Variants in CLNK observed in about 807,000 individuals in gnomAD.
The protein encoded by CLNK is cytokine-dependent hematopoietic cell linker.
A neutral mutation model predicts 68.6 loss-of-function variants in CLNK; 74 were observed. That is an observed-to-expected ratio of 1.08 (90% CI 0.89 to 1.31). The LOEUF (loss-of-function observed/expected upper bound fraction) is 1.31. CLNK is among the 50% of genes most tolerant of loss of function. CLNK has a pLI of 0.00. For missense variants in CLNK, 553 were observed against 515.3 expected, an observed-to-expected ratio of 1.07 and a Z score of -0.71; for synonymous variants, 198 against 172.2, an observed-to-expected ratio of 1.15 and a Z score of -1.17.
the CLNK span, among the ~76,000 whole-genome samples, chr4:10,726,963 G>A: frequency 1.3e-5 from 2 of 152,092 alleles, no homozygotes; most frequent in African/African-American, 4.8e-5. Flanking sequence ...AGCAAGTGAC[G>A]GGCCAAAATG....
intron 17 of CLNK, among the ~76,000 whole-genome samples, chr4:10,506,855 G>C (rs935369650): frequency 1.3e-5 from 2 of 150,852 alleles, no homozygotes; most frequent in Non-Finnish European, 3.0e-5. Flanking sequence ...GCTGGAGTGC[G>C]GTGGCGCGAT....
At chr4:10,684,968 G>C (rs1435931803), upstream of CLNK, 1 of 152,092 alleles carries the variant, frequency 6.6e-6, no homozygotes, top group African/African-American at 2.4e-5. Context: ...CAATGCAAAG[G>C]GTGTTTTTAA....
At chr4:10,578,457 A>C (rs1720654017) in intron 4 of CLNK, among the ~76,000 whole-genome samples, 1 of 152,140 alleles carries the variant, frequency 6.6e-6, no homozygotes, top group Non-Finnish European at 1.5e-5. Context: ...AGATTTAAAA[A>C]AATCCTGAGG....
intron 4 of CLNK, among the ~76,000 whole-genome samples, chr4:10,578,947 A>T (rs1348257210): frequency 2.0e-5 from 3 of 152,228 alleles, no homozygotes; most frequent in Non-Finnish European, 4.4e-5. Context: ...ATAAAGTGCC[A>T]GGCACAAACT....
At chr4:10,628,598 G>A (rs1409331032) in intron 2 of CLNK, among the ~76,000 whole-genome samples, 2 of 152,146 alleles carry the variant, frequency 1.3e-5, no homozygotes, top group Non-Finnish European at 2.9e-5. Flanking sequence ...GCAGAGTTGG[G>A]CTCAACTTCT....
At chr4:10,717,164 C>T in the CLNK span, among the ~76,000 whole-genome samples, 3 of 152,198 alleles carry the variant, frequency 2.0e-5, no homozygotes, top group Non-Finnish European at 2.9e-5. Flanking sequence ...CTAGAGCTTT[C>T]CTCCTTGCCA....
At chr4:10,564,822 A>G (rs1720041021) in intron 6 of CLNK, 45 bp from the exon 7 acceptor site, 2 of 1,134,350 alleles carry the variant, frequency 1.8e-6, no homozygotes, top group Non-Finnish European at 2.7e-6. Flanking sequence ...ACGTGGACTC[A>G]GCACATTACA....
At chr4:10,700,133 A>G in the CLNK span, among the ~76,000 whole-genome samples, 1 of 152,222 alleles carries the variant, frequency 6.6e-6, no homozygotes, top group Admixed American at 6.5e-5. Context: ...TCACAAAGGG[A>G]AGAATGGCTA....
the CLNK span, among the ~76,000 whole-genome samples, chr4:10,730,198 C>T: frequency 6.6e-6 from 1 of 152,172 alleles, no homozygotes; most frequent in Non-Finnish European, 1.5e-5. Context: ...TGCGGCCACC[C>T]TGGCTCATCA....
At chr4:10,570,649 T>C (rs2108827242) in intron 5 of CLNK, among the ~76,000 whole-genome samples, 1 of 152,226 alleles carries the variant, frequency 6.6e-6, no homozygotes, top group East Asian at 1.9e-4. Context: ...CCTCAAACAG[T>C]AAAGAGTCAA....
At chr4:10,697,049 C>T in the CLNK span, 5 of 152,348 alleles carry the variant, frequency 3.3e-5, no homozygotes, top group Admixed American at 6.5e-5. Context: ...TTTCTTGGAA[C>T]AATTGAAAGA....
At chr4:10,722,631 A>G in the CLNK span, among the ~76,000 whole-genome samples, 1 of 152,234 alleles carries the variant, frequency 6.6e-6, no homozygotes, top group Admixed American at 6.5e-5. Flanking sequence ...ACACAAACAA[A>G]GCAAGTAAAG....
At chr4:10,625,138 G>T (rs1186936260) in intron 2 of CLNK, among the ~76,000 whole-genome samples, 1 of 152,224 alleles carries the variant, frequency 6.6e-6, no homozygotes, top group Non-Finnish European at 1.5e-5. Flanking sequence ...TTGATAGGAA[G>T]ATCTCTTGCC....
Position 10,617,721 on chromosome 4 carries a change from C to A in CLNK, c.12-19672G>T, listed in dbSNP as rs577750604. ...ATTTTGTTTTATTTGTACCATATAGCCAGAAAAGACTGAAAAAGACGGAAA... is the reference window on the plus strand; with the variant it reads ...ATTTTGTTTTATTTGTACCATATAGACAGAAAAGACTGAAAAAGACGGAAA... On this transcript the variant is annotated intron_variant, in intron 2 of 18. Transcript: ENST00000226951. Among the ~76,000 whole-genome samples, 13 of 152,268 alleles carry A rather than the reference C, an allele frequency of 8.5e-5. No individual in the cohort carries two copies. The South Asian group carries it at 1.2e-3, about 15-fold the overall frequency.
intron 18 of CLNK, among the ~76,000 whole-genome samples, chr4:10,497,733 AATGATGTTCATTAAT>A (rs1157999251): frequency 6.6e-6 from 1 of 152,230 alleles, no homozygotes; most frequent in Non-Finnish European, 1.5e-5. Context: ...CTTGCCAGTA[AATGATGTTCATTAAT>A]ATGTCCTTTC....
intron 2 of CLNK, among the ~76,000 whole-genome samples, chr4:10,639,426 G>T (rs1369759445): frequency 6.6e-6 from 1 of 152,220 alleles, no homozygotes; most frequent in Non-Finnish European, 1.5e-5. Flanking sequence ...CTGGGTGAGA[G>T]GGGGCTGCCT....
chr4:10,586,025 G>A (rs1374176454), intron 3 of CLNK, among the ~76,000 whole-genome samples: 1 of 152,096 alleles, frequency 6.6e-6, no homozygotes, highest in African/African-American at 2.4e-5. Context: ...CAAAGAGCGT[G>A]AACCTAGATC....
chr4:10,514,104 C>G (rs1378390174), intron 15 of CLNK, among the ~76,000 whole-genome samples: 1 of 139,060 alleles, frequency 7.2e-6, no homozygotes, highest in Non-Finnish European at 1.5e-5. Context: ...TGAGAATATG[C>G]GGTGTTTGGT....
At position 10,652,337 on chromosome 4, in the gene CLNK, G is replaced by A. The variant is rs570448467; in HGVS notation, c.11+15522C>T. 1.3e-4 allele frequency among the ~76,000 whole-genome samples: 17 copies of A among 127,620 alleles called. No individual in the cohort carries two copies. The South Asian group carries it at 2.0e-3, about 15-fold the overall frequency. 83.7% of individuals were successfully genotyped at this position (127,620 alleles called of 152,430 possible). On this transcript the variant is annotated intron_variant, in intron 2 of 18. Coordinates refer to ENST00000226951, the MANE Select transcript of CLNK (RefSeq NM_052964.4). ...GTGGAGGTTGCAGTGAGTGGAGATC[G>A]CGCCACTTCACTCCAGCCTGGGTGA...
Sources: allele counts gnomAD v4.1 joint callset (sites outside exome capture counted in the v4.1 genomes callset), GRCh38; gene constraint gnomAD v4.1.1; transcripts MANE v1.5; gene names NCBI Gene and HGNC (gene_info 2026-07-23, HGNC 2026-07-21).